The following YES1 variants were observed in gnomAD, a reference collection of about 807,000 sequenced individuals.
YES1 encodes the protein tyrosine-protein kinase Yes.
YES1 carries 39 observed loss-of-function variants against 70.4 expected under a neutral mutation model. The ratio of observed to expected loss-of-function variants is 0.55; its 90% CI spans 0.43 to 0.72. The LOEUF (loss-of-function observed/expected upper bound fraction) is 0.72, where lower values mean the gene tolerates loss of function less well. Among genes scored for constraint, YES1 ranks in the 30% least tolerant of loss-of-function variants. The pLI is 0.00. For synonymous variants in YES1, 198 were observed against 218.6 expected (o/e 0.91, Z 0.83); for missense variants, 495 against 644.8 (o/e 0.77, Z 2.52).
At chr18:799,636 G>A (rs1906717562) in intron 1 of YES1, among the ~76,000 whole-genome samples, 1 of 152,166 alleles carries the variant, frequency 6.6e-6, no homozygotes. Flanking sequence ...CTGGGAGGTG[G>A]AGGTAGCAGT....
chr18:743,455 A>T (rs2080239040), intron 6 of YES1, 40 bp from the exon 7 acceptor site: 1 of 1,514,386 alleles, frequency 6.6e-7, no homozygotes, highest in Admixed American at 1.8e-5. Flanking sequence ...ATCAATTACA[A>T]AAATTAAGGG....
intron 1 of YES1, among the ~76,000 whole-genome samples, chr18:811,784 C>A (rs1287681810): frequency 1.3e-5 from 2 of 152,174 alleles, no homozygotes; most frequent in East Asian, 3.9e-4. Context: ...TAAACCTCTC[C>A]TCCCCGTCGC....
Position 756,859 on chromosome 18 carries a change from G to A in YES1, c.-8-24C>T, listed in dbSNP as rs111578682. On this transcript the variant is annotated intron_variant, in intron 1 of 11. Coordinates refer to ENST00000314574, the MANE Select transcript of YES1 (RefSeq NM_005433.4). ...ATCTACAGAGACAATAAAATATTTTGAGAGTCAGTTAACACACAGGATACT... is the reference window on the plus strand; with the variant it reads ...ATCTACAGAGACAATAAAATATTTTAAGAGTCAGTTAACACACAGGATACT... 7.9e-3 allele frequency: 12,603 copies of A among 1,595,916 alleles called. 862 individuals carry two copies. The African/African-American group carries it at 0.15, about 19-fold the overall frequency.
chr18:743,473 G>A, intron 6 of YES1, 58 bp from the exon 7 acceptor site: 5 of 1,364,914 alleles, frequency 3.7e-6, no homozygotes, highest in South Asian at 3.2e-5. Flanking sequence ...GGGGCATATA[G>A]TGTATCAATG....
chr18:742,688 CTT>C (rs1165653514), intron 8 of YES1, among the ~76,000 whole-genome samples: 1 of 152,164 alleles, frequency 6.6e-6, no homozygotes, highest in African/African-American at 2.4e-5. Flanking sequence ...TTTAGTCAAA[CTT>C]AATTTCAAAA....
chr18:746,617 G>A (rs1328505891), intron 4 of YES1, among the ~76,000 whole-genome samples: 1 of 152,164 alleles, frequency 6.6e-6, no homozygotes, highest in Non-Finnish European at 1.5e-5. Flanking sequence ...GAGTTATTGA[G>A]ACACATTACA....
chr18:760,460 A>G (rs1006671551), intron 1 of YES1, among the ~76,000 whole-genome samples: 3 of 152,220 alleles, frequency 2.0e-5, no homozygotes, highest in Middle Eastern at 3.4e-3. Flanking sequence ...AAAGAGTGAG[A>G]TTCTGTCTAA....
intron 1 of YES1, among the ~76,000 whole-genome samples, chr18:778,876 A>G (rs1568211238): frequency 6.6e-6 from 1 of 152,210 alleles, no homozygotes; most frequent in Non-Finnish European, 1.5e-5. Flanking sequence ...AAAGCAAACA[A>G]AGAACTCCAT....
intron 9 of YES1, chr18:738,608 T>C (rs976665926): frequency 2.1e-5 from 3 of 146,188 alleles, no homozygotes; most frequent in Admixed American, 7.2e-5. Flanking sequence ...GAGAATTGTG[T>C]GAACCTGGGA....
chr18:741,335 C>T (rs1032828444), intron 8 of YES1, among the ~76,000 whole-genome samples: 3 of 151,858 alleles, frequency 2.0e-5, no homozygotes, highest in Admixed American at 2.0e-4. Context: ...CCTTAACCTC[C>T]TGGGCTCAAG....
intron 1 of YES1, among the ~76,000 whole-genome samples, chr18:783,769 C>A (rs1365832275): frequency 6.6e-6 from 1 of 152,118 alleles, no homozygotes; most frequent in East Asian, 1.9e-4. Context: ...GCGCTGCCAC[C>A]ATGCCCAGCT....
intron 1 of YES1, among the ~76,000 whole-genome samples, chr18:811,150 T>A (rs1026442802): frequency 3.3e-5 from 5 of 152,222 alleles, no homozygotes; most frequent in Non-Finnish European, 5.9e-5. Flanking sequence ...TCATATCATG[T>A]GAAATCGACT....
At chr18:809,379 A>G (rs1907257196) in intron 1 of YES1, among the ~76,000 whole-genome samples, 1 of 152,014 alleles carries the variant, frequency 6.6e-6, no homozygotes, top group African/African-American at 2.4e-5. Context: ...AGCTCACCGC[A>G]ATCTCTGTCT....
chr18:764,846 C>A (rs758378120), intron 1 of YES1, among the ~76,000 whole-genome samples: 2 of 151,756 alleles, frequency 1.3e-5, no homozygotes, highest in Non-Finnish European at 2.9e-5. Context: ...GATTCTCCTG[C>A]CTCAGCCTCC....
chr18:799,184 A>G (rs1340783745), intron 1 of YES1, among the ~76,000 whole-genome samples: 1 of 152,214 alleles, frequency 6.6e-6, no homozygotes, highest in Non-Finnish European at 1.5e-5. Flanking sequence ...TTTTCCATAC[A>G]GATGTCTAAC....
chr18:774,846 T>C (rs576362698), intron 1 of YES1, among the ~76,000 whole-genome samples: 163 of 152,200 alleles, frequency 1.1e-3, no homozygotes, highest in Non-Finnish European at 2.0e-3. Context: ...CCAAAGTTCC[T>C]ACTATGGCCT....
rs1011224133 is a variant in YES1, at chr18:728,271, G to A, written c.1424-3639C>T. Among the ~76,000 whole-genome samples the A allele has an allele frequency of 1.1e-4, 17 of 150,970 alleles. 1 individual carries two copies. The highest frequency in any genetic ancestry group is 1.1e-3 in the South Asian group (5 of 4,752). ...AGCCCAGGGAGGTAGAGGCTGCAGT[G>A]AGCCCTGATTGTGCCACTGCACTCC... is the stretch of plus-strand genomic sequence containing the variant. On this transcript the variant is annotated intron_variant, in intron 11 of 11. Transcript: ENST00000314574.
intron 1 of YES1, among the ~76,000 whole-genome samples, chr18:797,192 T>G (rs1205789976): frequency 1.3e-5 from 2 of 152,056 alleles, no homozygotes; most frequent in African/African-American, 4.8e-5. Flanking sequence ...ATAGTAAAAC[T>G]GGTAAAGATT....
chr18:777,941 CATT>C (rs1385722505), intron 1 of YES1, among the ~76,000 whole-genome samples: 3 of 151,808 alleles, frequency 2.0e-5, no homozygotes, highest in Non-Finnish European at 4.4e-5. Context: ...ACAGTTAACA[CATT>C]ATTATGTTGT....
Sources: gnomAD v4.1 joint callset for allele counts (sites outside exome capture counted in the v4.1 genomes callset) on GRCh38, gnomAD v4.1.1 for gene constraint, MANE v1.5 for transcripts, NCBI Gene and HGNC (gene_info 2026-07-23, HGNC 2026-07-21) for gene names.